SAXO4: variants seen among roughly 807,000 people sequenced by gnomAD.
The protein encoded by SAXO4 is protein phosphatase 1 regulatory subunit 32.
chr11:61,486,679 T>C, the SAXO4 span: 1 of 1,418,824 alleles, frequency 7.0e-7, no homozygotes, highest in Non-Finnish European at 9.9e-7. Flanking sequence ...AGGTGGCATT[T>C]GGGTCAGGCA....
chr11:61,486,797 T>A, the SAXO4 span: 1 of 885,430 alleles, frequency 1.1e-6, no homozygotes, highest in Non-Finnish European at 1.8e-6. Context: ...AGGGGTGTGG[T>A]CTGAAATAGA....
chr11:61,486,841 C>A, the SAXO4 span: 1 of 998,020 alleles, frequency 1.0e-6, no homozygotes, highest in Non-Finnish European at 1.6e-6. Context: ...GTCGCTGGGG[C>A]TGTGGACAGG....
chr11:61,487,331 G>T, the SAXO4 span: 2 of 1,112,092 alleles, frequency 1.8e-6, no homozygotes, highest in Non-Finnish European at 2.7e-6. Context: ...TCGTGGAGAA[G>T]ATCAATGCTG....
the SAXO4 span, among the ~76,000 whole-genome samples, chr11:61,488,222 A>G: frequency 8.0e-5 from 12 of 150,596 alleles, no homozygotes; most frequent in African/African-American, 2.7e-4. Flanking sequence ...CCTGACCTCA[A>G]GTGATCTGCC....
chr11:61,482,751 C>G, the SAXO4 span: 1 of 1,613,834 alleles, frequency 6.2e-7, no homozygotes, highest in Non-Finnish European at 8.5e-7. Context: ...GGAGCATGCG[C>G]CAGACCAGCT....
the SAXO4 span, chr11:61,485,845 C>T: frequency 1.2e-4 from 187 of 1,614,078 alleles, 1 homozygote; most frequent in East Asian, 2.5e-3. Flanking sequence ...GGAGTGGCTT[C>T]ACCAAACAGT....
chr11:61,482,942 C>T, the SAXO4 span: 2 of 914,476 alleles, frequency 2.2e-6, no homozygotes, highest in Non-Finnish European at 3.2e-6. Flanking sequence ...GTCCACTCAT[C>T]TTTCTCCCCT....
the SAXO4 span, among the ~76,000 whole-genome samples, chr11:61,487,987 TC>T: frequency 8.6e-5 from 12 of 139,908 alleles, no homozygotes; most frequent in African/African-American, 3.3e-4. Flanking sequence ...TTCTTCTTCT[TC>T]TTTTTTTTTT....
the SAXO4 span, chr11:61,484,806 A>C: frequency 6.3e-7 from 1 of 1,594,134 alleles, no homozygotes; most frequent in Non-Finnish European, 8.5e-7. Flanking sequence ...GAGCGGGAGA[A>C]CTTCCGACAT....
At chr11:61,486,922 C>G in the SAXO4 span, 1 of 1,601,058 alleles carries the variant, frequency 6.2e-7, no homozygotes, top group Non-Finnish European at 8.6e-7. Context: ...CCTCAGCCTC[C>G]CTTCTGGTGG....
At chr11:61,483,357 AG>A in the SAXO4 span, among the ~76,000 whole-genome samples, 1 of 151,636 alleles carries the variant, frequency 6.6e-6, no homozygotes, top group Non-Finnish European at 1.5e-5. Flanking sequence ...TAGTACAGAC[AG>A]GGTTTCACCG....
chr11:61,487,093 A>T, the SAXO4 span: 1 of 1,612,018 alleles, frequency 6.2e-7, no homozygotes, highest in Non-Finnish European at 8.5e-7. Context: ...CTCCACCCCC[A>T]AATCCCCACC....
chr11:61,490,891 A>G, the SAXO4 span: 2 of 414,644 alleles, frequency 4.8e-6, no homozygotes, highest in Non-Finnish European at 8.8e-6. Flanking sequence ...ACCCCTGCCC[A>G]GCTACTTTCC....
the SAXO4 span, chr11:61,481,215 A>G: frequency 1.3e-5 from 2 of 152,286 alleles, no homozygotes; most frequent in African/African-American, 4.8e-5. Context: ...TGCAGAGGAA[A>G]GGTGAGGGTG....
the SAXO4 span, among the ~76,000 whole-genome samples, chr11:61,487,732 A>G: frequency 1.3e-5 from 2 of 152,152 alleles, no homozygotes; most frequent in Non-Finnish European, 2.9e-5. Context: ...TGGAAAGAAC[A>G]GGGCAGTGCG....
chr11:61,487,355 TC>T, the SAXO4 span: 1 of 901,426 alleles, frequency 1.1e-6, no homozygotes, highest in Non-Finnish European at 1.8e-6. Flanking sequence ...GAATATGGGT[TC>T]CCCAGAAGCA....
chr11:61,490,879 A>T, the SAXO4 span: 1 of 466,198 alleles, frequency 2.1e-6, no homozygotes, highest in African/African-American at 2.0e-5. Context: ...CCCCAGGGGA[A>T]CACCCCTGCC....
At chr11:61,481,720 C>T in the SAXO4 span, 22 of 655,514 alleles carry the variant, frequency 3.4e-5, no homozygotes, top group South Asian at 4.9e-4. Flanking sequence ...GGCAGATCTT[C>T]GCCCCTGTGG....
the SAXO4 span, chr11:61,484,809 T>C: frequency 6.3e-7 from 1 of 1,590,628 alleles, no homozygotes; most frequent in Admixed American, 1.8e-5. Context: ...CGGGAGAACT[T>C]CCGACATGTG....
Sources: gnomAD v4.1 joint callset for allele counts (sites outside exome capture counted in the v4.1 genomes callset) on GRCh38, gnomAD v4.1.1 for gene constraint, MANE v1.5 for transcripts, NCBI Gene and HGNC (gene_info 2026-07-23, HGNC 2026-07-21) for gene names.